Variants in SEPTIN6 observed in about 807,000 individuals in gnomAD.
The protein encoded by SEPTIN6 is septin-6.
A neutral mutation model predicts 33.6 loss-of-function variants in SEPTIN6; 8 were observed. The observed-to-expected ratio is 0.24, with a 90% CI of 0.14 to 0.43. The LOEUF (loss-of-function observed/expected upper bound fraction) is 0.43, where lower values mean the gene tolerates loss of function less well. SEPTIN6 is among the 20% of genes least tolerant of loss of function. The probability of loss-of-function intolerance (pLI) is 1.00; values close to 1 mark genes in which losing one functional copy is unlikely to be tolerated. For missense variants in SEPTIN6, 250 were observed against 340.8 expected (o/e 0.73, Z 2.10); for synonymous variants, 131 against 140.0 (o/e 0.94, Z 0.45).
chrX:119,653,659 T>C (rs941560699), intron 3 of SEPTIN6, among the ~76,000 whole-genome samples: 2 of 112,577 alleles, frequency 1.8e-5, no homozygotes, highest in Non-Finnish European at 3.8e-5. Flanking sequence ...TGCTGGGCAA[T>C]CTTGTGAGAA....
At chrX:119,684,441 T>G (rs1223988876) in intron 1 of SEPTIN6, among the ~76,000 whole-genome samples, 2 of 109,109 alleles carry the variant, frequency 1.8e-5, no homozygotes, top group African/African-American at 6.7e-5. Context: ...GCCGCTGTAT[T>G]ATGTCATAAG....
intron 2 of SEPTIN6, among the ~76,000 whole-genome samples, chrX:119,674,275 G>A (rs1171496495): frequency 1.8e-5 from 2 of 109,838 alleles, no homozygotes; most frequent in Non-Finnish European, 3.8e-5. Flanking sequence ...CCAGGTTCAC[G>A]CCATTCTCCT....
chrX:119,640,897 T>C (rs1343403381), intron 5 of SEPTIN6, 109 bp from the exon 6 acceptor site: 1 of 515,704 alleles, frequency 1.9e-6, no homozygotes, highest in Non-Finnish European at 3.4e-6. Context: ...CCCTGCAATG[T>C]CCCTCACTGT....
intron 2 of SEPTIN6, among the ~76,000 whole-genome samples, chrX:119,673,925 C>T (rs2054796902): frequency 9.2e-6 from 1 of 108,185 alleles, no homozygotes; most frequent in Non-Finnish European, 1.9e-5. Flanking sequence ...GTAAAATATC[C>T]AATTTAGTAG....
intron 1 of SEPTIN6, among the ~76,000 whole-genome samples, chrX:119,685,104 C>T (rs2055034449): frequency 2.7e-5 from 3 of 112,139 alleles, no homozygotes; most frequent in Non-Finnish European, 3.8e-5. Context: ...GATTTTAATA[C>T]ACAAGATAAA....
intron 10 of SEPTIN6, among the ~76,000 whole-genome samples, chrX:119,621,551 G>C (rs756524540): frequency 2.8e-5 from 3 of 105,800 alleles, no homozygotes; most frequent in African/African-American, 1.0e-4. Context: ...GAGTGCAATG[G>C]TGCGATCTTG....
chrX:119,667,831 C>T (rs1461247225), intron 2 of SEPTIN6, among the ~76,000 whole-genome samples: 1 of 110,937 alleles, frequency 9.0e-6, no homozygotes, highest in African/African-American at 3.3e-5. Context: ...TTTCTCACTC[C>T]TCCTCCCCCA....
chrX:119,639,835 A>T, intron 6 of SEPTIN6, among the ~76,000 whole-genome samples: 1 of 109,340 alleles, frequency 9.1e-6, no homozygotes, highest in Non-Finnish European at 1.9e-5. Flanking sequence ...TTTGAATCTC[A>T]CTCTGTCGCC....
chrX:119,650,177 C>A, intron 4 of SEPTIN6, 79 bp from the exon 5 acceptor site: 1 of 1,032,913 alleles, frequency 9.7e-7, no homozygotes, highest in Non-Finnish European at 1.3e-6. Context: ...CTTCCACCAG[C>A]TGCCAGAGGG....
intron 2 of SEPTIN6, among the ~76,000 whole-genome samples, chrX:119,671,846 G>A (rs772193424): frequency 8.9e-6 from 1 of 112,415 alleles, no homozygotes; most frequent in Admixed American, 9.4e-5. Flanking sequence ...CATTAAGGGA[G>A]TAAATGTACA....
rs1243566155 is a variant in SEPTIN6, at chrX:119,631,696, C to A, written c.1089+1664G>T. Among the ~76,000 whole-genome samples the A allele has an allele frequency of 2.7e-5, 3 of 110,334 alleles. No individual in the cohort carries two copies. The Admixed American group carries it at 2.9e-4, about 11-fold the overall frequency. ...TCTCTCGGCTGAAGCATTCCTCCTA[C>A]CTCAGCCTCCTGGGTAGCTGGGACT... On this transcript the variant is annotated intron_variant, in intron 8 of 10. Coordinates refer to ENST00000394610, the MANE Select transcript of SEPTIN6 (RefSeq NM_145799.4).
intron 1 of SEPTIN6, among the ~76,000 whole-genome samples, chrX:119,676,165 A>T (rs1311134695): frequency 8.9e-6 from 1 of 112,297 alleles, no homozygotes; most frequent in Non-Finnish European, 1.9e-5. Flanking sequence ...AAAAGGGTTT[A>T]AAAAGCAATT....
intron 2 of SEPTIN6, among the ~76,000 whole-genome samples, chrX:119,675,035 C>T (rs1425223213): frequency 9.9e-6 from 1 of 100,772 alleles, no homozygotes; most frequent in African/African-American, 4.3e-5. Flanking sequence ...AGTGAGACCC[C>T]CATCTCAAAA....
In SEPTIN6 at chrX:119,675,648, G is replaced by A; in HGVS notation, c.51C>T (p.Val17=). Residue 17 remains valine, a synonymous_variant, in exon 2 of 11, where the codon GTC becomes GTT. Coordinates refer to ENST00000394610, the MANE Select transcript of SEPTIN6 (RefSeq NM_145799.4). ...ARQVGEGCRT[V]PLAGHVGFDS... ...CAAACCCCACATGTCCAGCCAGGGG[G>A]ACAGTTCGGCAACCTTCACCCTAAT... 1 of 1,138,263 alleles carries A rather than the reference G, an allele frequency of 8.8e-7. No homozygotes were observed. Among genetic ancestry groups the A allele is most frequent in the East Asian group, 3.3e-5 (1 of 30,216 alleles). 93.8% of individuals were successfully genotyped at this position (1,138,263 alleles called of 1,213,427 possible).
Position 119,629,440 on chromosome X carries a change from C to T in SEPTIN6, c.1158G>A (p.Lys386=). The part of the protein sequence containing the change: ...QDEKKKLEDK[K]KSLDDEVNAF... ...CATTCACTTCATCATCCAGGGATTT[C>T]TTCTTATCCTCCAGTTTCTTCTTCT... The change falls in exon 9 of 11, where the codon AAG becomes AAA. Residue 386 remains lysine, a synonymous_variant. Transcript: ENST00000394610. 1 of 1,211,465 alleles carries T rather than the reference C, an allele frequency of 8.3e-7. No homozygotes were observed. The highest frequency in any genetic ancestry group is 1.1e-6 in the Non-Finnish European group (1 of 895,212).
intron 1 of SEPTIN6, among the ~76,000 whole-genome samples, chrX:119,688,867 A>G (rs1465864337): frequency 9.0e-6 from 1 of 111,526 alleles, no homozygotes; most frequent in Non-Finnish European, 1.9e-5. Flanking sequence ...TGTATCACCA[A>G]TAGAGCTAGG....
chrX:119,648,803 T>C (rs1175484456), intron 5 of SEPTIN6, among the ~76,000 whole-genome samples: 1 of 112,185 alleles, frequency 8.9e-6, no homozygotes, highest in African/African-American at 3.2e-5. Context: ...ATTACAAGGC[T>C]TTCCTGAGTT....
At chrX:119,623,646 TG>T (rs752142943) in intron 10 of SEPTIN6, among the ~76,000 whole-genome samples, 106 of 112,096 alleles carry the variant, frequency 9.5e-4, no homozygotes, top group African/African-American at 3.3e-3. Context: ...GAGACCAGCC[TG>T]GGCCAACGTG....
rs1270542402 is a variant in SEPTIN6 at position 119,621,637 on chromosome X, A to G, written c.*42-1586T>C. 4.6e-5 allele frequency among the ~76,000 whole-genome samples: 5 copies of G among 108,488 alleles called. No homozygotes were observed. The Admixed American group carries it at 5.0e-4, about 11-fold the overall frequency. The allele number at this position is 108,488 out of a possible 115,157, so 94.2% of individuals were successfully genotyped here. On this transcript the variant is annotated intron_variant, in intron 10 of 10. Transcript: ENST00000394610. The stretch of plus-strand genomic sequence containing the variant: ...CTCCCAAGTAGCTGGGATTATAGGC[A>G]CCCGCCACCATGCCCAGCTAATTTT...
Sources: allele counts gnomAD v4.1 joint callset (sites outside exome capture counted in the v4.1 genomes callset), GRCh38; gene constraint gnomAD v4.1.1; transcripts MANE v1.5; gene names NCBI Gene and HGNC (gene_info 2026-07-23, HGNC 2026-07-21).